The following FIRRM variants were observed in gnomAD, a reference collection of about 807,000 sequenced individuals.
FIRRM encodes FIGNL1-interacting regulator of recombination and mitosis.
At chr1:169,848,941 G>GT in the FIRRM span, among the ~76,000 whole-genome samples, 3 of 152,198 alleles carry the variant, frequency 2.0e-5, no homozygotes, top group African/African-American at 7.2e-5. Context: ...GAAAGATTAC[G>GT]TTTTTGCTGT....
chr1:169,851,759 A>T, the FIRRM span: 9 of 1,569,376 alleles, frequency 5.7e-6, no homozygotes, highest in African/African-American at 1.4e-5. Context: ...TGGCCATTTC[A>T]TATCTAGTAG....
At chr1:169,849,453 C>A in the FIRRM span, 2 of 1,377,446 alleles carry the variant, frequency 1.5e-6, no homozygotes, top group Non-Finnish European at 1.0e-6. Flanking sequence ...TTATGATTAT[C>A]TATTATGGTT....
At chr1:169,837,448 A>G in the FIRRM span, among the ~76,000 whole-genome samples, 28 of 152,260 alleles carry the variant, frequency 1.8e-4, no homozygotes, top group East Asian at 4.4e-3. Context: ...ACAAAATACA[A>G]CCCCCATTTT....
At chr1:169,850,893 T>A in the FIRRM span, 1 of 149,192 alleles carries the variant, frequency 6.7e-6, no homozygotes, top group Non-Finnish European at 1.5e-5. Flanking sequence ...AAGCTATTAA[T>A]AATCATAATT....
At chr1:169,827,668 A>T in the FIRRM span, 1 of 1,609,858 alleles carries the variant, frequency 6.2e-7, no homozygotes, top group Non-Finnish European at 8.5e-7. Context: ...TTTACGTATT[A>T]ATCAGATTTC....
chr1:169,842,328 T>A, the FIRRM span: 1 of 1,352,906 alleles, frequency 7.4e-7, no homozygotes. Flanking sequence ...GAGTTAAAAG[T>A]AACTTTTATA....
the FIRRM span, among the ~76,000 whole-genome samples, chr1:169,828,887 G>A: frequency 5.7e-4 from 87 of 152,050 alleles, no homozygotes; most frequent in Non-Finnish European, 1.1e-3. Flanking sequence ...AATCCTCTAA[G>A]TTTCTTCAAC....
chr1:169,827,941 C>T, the FIRRM span: 3 of 1,280,608 alleles, frequency 2.3e-6, no homozygotes. Flanking sequence ...TTTTTTAAAT[C>T]AGATATTTAT....
chr1:169,793,515 A>C, the FIRRM span: 7 of 1,614,070 alleles, frequency 4.3e-6, no homozygotes, highest in Admixed American at 1.2e-4. Flanking sequence ...TTATGTTCCC[A>C]CAAGTGATCC....
the FIRRM span, among the ~76,000 whole-genome samples, chr1:169,812,338 T>A: frequency 6.6e-6 from 1 of 152,092 alleles, no homozygotes; most frequent in African/African-American, 2.4e-5. Context: ...CAACTTAGAG[T>A]CTAGCCTGAG....
At chr1:169,852,986 G>T in the FIRRM span, 1 of 1,612,478 alleles carries the variant, frequency 6.2e-7, no homozygotes, top group Non-Finnish European at 8.5e-7. Context: ...ACTCTAGGGT[G>T]AAACTTATCA....
At chr1:169,827,594 C>T in the FIRRM span, 1 of 1,116,552 alleles carries the variant, frequency 9.0e-7, no homozygotes, top group Non-Finnish European at 1.3e-6. Context: ...GCTGAGATTA[C>T]ACCACTGCAC....
At chr1:169,852,182 T>C in the FIRRM span, 7 of 538,488 alleles carry the variant, frequency 1.3e-5, no homozygotes, top group Non-Finnish European at 2.3e-5. Flanking sequence ...AAGTTACATA[T>C]TGTACCAGTG....
chr1:169,784,440 T>C, the FIRRM span, among the ~76,000 whole-genome samples: 1 of 152,182 alleles, frequency 6.6e-6, no homozygotes, highest in Admixed American at 6.5e-5. Flanking sequence ...CCATTTTTTT[T>C]CCCCAGCACT....
the FIRRM span, among the ~76,000 whole-genome samples, chr1:169,811,096 A>G: frequency 2.0e-5 from 3 of 150,570 alleles, no homozygotes; most frequent in Non-Finnish European, 4.4e-5. Context: ...TCCTGACCTC[A>G]TGATCCACCC....
the FIRRM span, among the ~76,000 whole-genome samples, chr1:169,796,165 G>C: frequency 1.3e-5 from 2 of 152,236 alleles, no homozygotes; most frequent in African/African-American, 4.8e-5. Flanking sequence ...AATCTCAGAA[G>C]GTGCCAAAGC....
the FIRRM span, chr1:169,850,324 A>C: frequency 1.2e-6 from 2 of 1,609,176 alleles, no homozygotes; most frequent in Admixed American, 3.3e-5. Context: ...CTAAGAACAA[A>C]GTTGTATCCT....
the FIRRM span, among the ~76,000 whole-genome samples, chr1:169,838,012 A>G: frequency 2.0e-5 from 3 of 152,188 alleles, no homozygotes; most frequent in African/African-American, 7.2e-5. Context: ...ATCTTGGCTC[A>G]CTGCAACCTC....
At chr1:169,798,168 C>T in the FIRRM span, among the ~76,000 whole-genome samples, 1 of 152,156 alleles carries the variant, frequency 6.6e-6, no homozygotes, top group Admixed American at 6.5e-5. Flanking sequence ...CTAATCCCAG[C>T]TCCTTGAGAG....
Sources: allele counts gnomAD v4.1 joint callset (sites outside exome capture counted in the v4.1 genomes callset), GRCh38; gene constraint gnomAD v4.1.1; transcripts MANE v1.5; gene names NCBI Gene and HGNC (gene_info 2026-07-23, HGNC 2026-07-21).